FUT8: variants seen among roughly 807,000 people sequenced by gnomAD.
FUT8 encodes fucosyltransferase 8.
FUT8 carries 29 observed loss-of-function variants against 71.3 expected under a neutral mutation model. The observed-to-expected ratio is 0.41, with a 90% CI of 0.30 to 0.55. The LOEUF is 0.55. Among genes scored for constraint, FUT8 ranks in the 20% least tolerant of loss-of-function variants. The pLI is 0.34. For synonymous variants in FUT8, 254 were observed against 239.3 expected, an observed-to-expected ratio of 1.06 and a Z score of -0.57; for missense variants, 544 against 702.1, an observed-to-expected ratio of 0.77 and a Z score of 2.55.
intron 9 of FUT8, among the ~76,000 whole-genome samples, chr14:65,726,077 G>C (rs565317034): frequency 7.2e-5 from 11 of 152,308 alleles, no homozygotes; most frequent in Middle Eastern, 3.4e-3. Context: ...CATCAGCCAA[G>C]TATAAGAATG....
At chr14:65,723,282 G>A (rs1038655638) in intron 8 of FUT8, among the ~76,000 whole-genome samples, 3 of 151,580 alleles carry the variant, frequency 2.0e-5, no homozygotes, top group South Asian at 4.2e-4. Flanking sequence ...CCATAATCAC[G>A]CCACTGCACT....
chr14:65,606,481 A>G (rs1488304271), intron 3 of FUT8, among the ~76,000 whole-genome samples: 1 of 151,844 alleles, frequency 6.6e-6, no homozygotes, highest in Non-Finnish European at 1.5e-5. Context: ...CTCTCCCAAG[A>G]TCATGAAGAA....
At chr14:65,635,394 G>C (rs943722123) in intron 6 of FUT8, among the ~76,000 whole-genome samples, 3 of 152,158 alleles carry the variant, frequency 2.0e-5, no homozygotes, top group African/African-American at 7.2e-5. Flanking sequence ...AGTGGTGAGA[G>C]CGGGCATCCT....
chr14:65,702,422 T>G lies in FUT8; in HGVS notation c.836-19353T>G, dbSNP rs146638629. Among the ~76,000 whole-genome samples the G allele has an allele frequency of 5.1e-3, 774 of 151,798 alleles. 7 individuals carry two copies. The highest frequency in any genetic ancestry group is 0.018 in the African/African-American group (741 of 41,364). ...TAATTGAGATAATGCGTTGGAAACA[T>G]TTAGTATAGTACCGCGCATACAGTT... On this transcript the variant is annotated intron_variant, in intron 7 of 10. Transcript: ENST00000673929.
chr14:65,499,786 C>A (rs1247840101), intron 2 of FUT8, among the ~76,000 whole-genome samples: 1 of 149,880 alleles, frequency 6.7e-6, no homozygotes, highest in Non-Finnish European at 1.5e-5. Context: ...CCATTGCACT[C>A]CAGCCTGAGC....
chr14:65,492,739 A>ATG (rs1177883403), intron 2 of FUT8, among the ~76,000 whole-genome samples: 2 of 152,164 alleles, frequency 1.3e-5, no homozygotes, highest in African/African-American at 4.8e-5. Context: ...ATAAAACATA[A>ATG]TGTAAATGTC....
At chr14:65,718,973 A>G (rs1051728227) in intron 7 of FUT8, among the ~76,000 whole-genome samples, 1 of 152,160 alleles carries the variant, frequency 6.6e-6, no homozygotes, top group Non-Finnish European at 1.5e-5. Flanking sequence ...GTTGATGTAT[A>G]ACTTTCTTGT....
intron 3 of FUT8, among the ~76,000 whole-genome samples, chr14:65,581,612 A>G (rs1489385485): frequency 3.3e-5 from 5 of 152,152 alleles, no homozygotes; most frequent in African/African-American, 1.2e-4. Context: ...ATTGCTATGC[A>G]TGTTTGTGTC....
chr14:65,573,118 G>T (rs539829809), intron 3 of FUT8, among the ~76,000 whole-genome samples: 53 of 152,184 alleles, frequency 3.5e-4, no homozygotes, highest in African/African-American at 1.3e-3. Context: ...TGGCTCAGTG[G>T]GGAGGGATAG....
At chr14:65,691,039 G>A (rs1394441552) in intron 7 of FUT8, among the ~76,000 whole-genome samples, 2 of 151,048 alleles carry the variant, frequency 1.3e-5, no homozygotes, top group Non-Finnish European at 2.9e-5. Context: ...TTTGACTTTT[G>A]TATATCAACC....
chr14:65,420,078 G>T (rs2065270856), intron 1 of FUT8, among the ~76,000 whole-genome samples: 2 of 152,060 alleles, frequency 1.3e-5, no homozygotes, highest in Admixed American at 6.6e-5. Flanking sequence ...TATACCTACT[G>T]AGGATGCACC....
chr14:65,419,445 C>G (rs185869332), intron 1 of FUT8, among the ~76,000 whole-genome samples: 126 of 152,252 alleles, frequency 8.3e-4, no homozygotes, highest in South Asian at 4.1e-3. Context: ...GTGAGAAGTT[C>G]ACAAGGTGAA....
chr14:65,630,965 G>T (rs1252464607), intron 6 of FUT8, among the ~76,000 whole-genome samples: 1 of 152,148 alleles, frequency 6.6e-6, no homozygotes, highest in Non-Finnish European at 1.5e-5. Flanking sequence ...ATATGGTTCT[G>T]TATATTTTAA....
intron 7 of FUT8, among the ~76,000 whole-genome samples, chr14:65,694,472 G>C (rs1893880196): frequency 6.6e-6 from 1 of 151,986 alleles, no homozygotes; most frequent in African/African-American, 2.4e-5. Flanking sequence ...GTTCCATTGT[G>C]GTTTGAGAGC....
At chr14:65,540,294 A>G (rs1030096867) in intron 2 of FUT8, among the ~76,000 whole-genome samples, 6 of 152,200 alleles carry the variant, frequency 3.9e-5, no homozygotes, top group Admixed American at 6.5e-5. Flanking sequence ...ATGGATGACT[A>G]GAAGAAAAGA....
chr14:65,731,922 G>A (rs1319326096), intron 9 of FUT8, among the ~76,000 whole-genome samples: 1 of 152,178 alleles, frequency 6.6e-6, no homozygotes, highest in African/African-American at 2.4e-5. Context: ...TGCTGACAAA[G>A]TTAGTCTTTA....
At chr14:65,580,243 C>T (rs989322543) in intron 3 of FUT8, among the ~76,000 whole-genome samples, 10 of 151,268 alleles carry the variant, frequency 6.6e-5, no homozygotes, top group African/African-American at 2.4e-4. Flanking sequence ...TAGGCTATTG[C>T]TCCTAGGCTA....
At chr14:65,691,747 G>A (rs530042722) in intron 7 of FUT8, among the ~76,000 whole-genome samples, 4,369 of 151,416 alleles carry the variant, frequency 0.029, 207 homozygotes, top group African/African-American at 0.099. Context: ...AGGACCCTGC[G>A]GCCTTCTGCA....
chr14:65,571,571 T>C (rs1182721699), intron 3 of FUT8, among the ~76,000 whole-genome samples: 1 of 152,106 alleles, frequency 6.6e-6, no homozygotes, highest in Non-Finnish European at 1.5e-5. Flanking sequence ...AATACAGCAA[T>C]TGGTTATGTG....
Sources: gnomAD v4.1 joint callset for allele counts (sites outside exome capture counted in the v4.1 genomes callset) on GRCh38, gnomAD v4.1.1 for gene constraint, MANE v1.5 for transcripts, NCBI Gene and HGNC (gene_info 2026-07-23, HGNC 2026-07-21) for gene names.